EFCAB8: variants seen among roughly 807,000 people sequenced by gnomAD.
The protein encoded by EFCAB8 is EF-hand calcium binding domain 8, also known as EF-hand calcium-binding domain-containing protein 8.
Under a neutral mutation model 116.3 loss-of-function variants are expected in EFCAB8, and 100 were observed. The ratio of observed to expected loss-of-function variants is 0.86; its 90% CI spans 0.73 to 1.02. The LOEUF (loss-of-function observed/expected upper bound fraction) is 1.02, where lower values mean the gene tolerates loss of function less well. Among genes scored for constraint, EFCAB8 ranks in the 50% least tolerant of loss-of-function variants. The probability of loss-of-function intolerance (pLI) is 0.00; values close to 1 mark genes in which losing one functional copy is unlikely to be tolerated. For synonymous variants in EFCAB8, 558 were observed against 567.9 expected (o/e 0.98, Z 0.25); for missense variants, 1,320 against 1,416.9 (o/e 0.93, Z 1.10).
intron 11 of EFCAB8, among the ~76,000 whole-genome samples, chr20:32,902,621 C>G (rs1017904874): frequency 2.6e-5 from 4 of 152,196 alleles, no homozygotes; most frequent in Non-Finnish European, 5.9e-5. Flanking sequence ...TTGGCACACC[C>G]CATGCATTCT....
In EFCAB8 at chr20:32,898,503, CCAACTGGTGTGAG is replaced by C; in HGVS notation, c.971_983del (p.Asn324ArgfsTer8). 1 of 717,898 alleles carries C rather than the reference CCAACTGGTGTGAG, an allele frequency of 1.4e-6. No homozygotes were observed. Among genetic ancestry groups the C allele is most frequent in the Non-Finnish European group, 2.6e-6 (1 of 384,580 alleles). The allele number at this position is 717,898 out of a possible 1,614,324, so 44.5% of individuals were successfully genotyped here. A position where few individuals can be genotyped will look rare whatever the true frequency, so the allele number is the denominator to read the frequency against. On this transcript the variant is annotated frameshift_variant, in exon 11 of 27. Coordinates refer to ENST00000400522, the MANE Select transcript of EFCAB8 (RefSeq NM_001143967.2). LOFTEE classifies it high-confidence loss of function. ...CTACTGTCTTCCCAGGCTCTCCATC[CCAACTGGTGTGAG>C]CAGGTCAAGTTCATCCCCCAGATGA... is the stretch of plus-strand genomic sequence containing the variant.
chr20:32,939,116 TC>T (rs1988251767), intron 22 of EFCAB8, among the ~76,000 whole-genome samples: 2 of 132,246 alleles, frequency 1.5e-5, no homozygotes, highest in Admixed American at 7.5e-5. Context: ...TTTCTTTCTC[TC>T]TTTCTTTCTC....
intron 22 of EFCAB8, among the ~76,000 whole-genome samples, chr20:32,941,223 G>T (rs1440469336): frequency 1.4e-5 from 2 of 147,828 alleles, no homozygotes; most frequent in Non-Finnish European, 3.0e-5. Flanking sequence ...TTGCGTTCCA[G>T]TCTGGGCAAC....
intron 11 of EFCAB8, 41 bp from the exon 12 acceptor site, chr20:32,906,521 C>T (rs1440489572): frequency 2.8e-6 from 2 of 718,022 alleles, no homozygotes; most frequent in Non-Finnish European, 5.2e-6. Context: ...CTTGGGGCCA[C>T]TGCTCCCGGC....
chr20:32,873,957 G>A (rs1984816383), intron 3 of EFCAB8, among the ~76,000 whole-genome samples: 1 of 151,534 alleles, frequency 6.6e-6, no homozygotes, highest in Non-Finnish European at 1.5e-5. Context: ...GTCTTACTCT[G>A]TTATCCAGGC....
At chr20:32,911,757 A>G in intron 16 of EFCAB8, 50 bp downstream of exon 16, 1 of 1,517,588 alleles carries the variant, frequency 6.6e-7, no homozygotes, top group Non-Finnish European at 9.0e-7. Flanking sequence ...TGGGAAGCAA[A>G]GCACAGCTCC....
intron 1 of EFCAB8, among the ~76,000 whole-genome samples, chr20:32,863,367 A>G (rs772806510): frequency 6.6e-6 from 1 of 152,080 alleles, no homozygotes; most frequent in Non-Finnish European, 1.5e-5. Context: ...TGGGGAGGGT[A>G]TATGCAGTGG....
intron 5 of EFCAB8, among the ~76,000 whole-genome samples, chr20:32,879,064 A>G (rs780134861): frequency 5.3e-5 from 8 of 152,218 alleles, no homozygotes; most frequent in Non-Finnish European, 1.0e-4. Context: ...CCCCAGGCCA[A>G]TAGGTAGAAA....
chr20:32,898,607 G>A lies in EFCAB8; in HGVS notation c.1072G>A (p.Ala358Thr). The A allele has an allele frequency of 2.8e-6, 2 of 718,726 alleles. No homozygotes were observed. The highest frequency in any genetic ancestry group is 3.0e-5 in the South Asian group (2 of 67,586). 44.5% of individuals were successfully genotyped at this position (718,726 alleles called of 1,614,324 possible). ...SLVLTILPAK[A>T]SKKPRLSVLR... ...GGTGCTGACAATATTGCCAGCCAAA[G>A]CCTCTAAGAAACCCAGGTAAGAAGT... Residue 358 changes from alanine (A) to threonine (T), a missense_variant, in exon 11 of 27, where the codon GCC becomes ACC. Transcript: ENST00000400522.
chr20:32,886,609 A>G (rs1304093108), intron 6 of EFCAB8, among the ~76,000 whole-genome samples: 1 of 151,978 alleles, frequency 6.6e-6, no homozygotes, highest in Non-Finnish European at 1.5e-5. Context: ...GGGAGTCACG[A>G]TCACCATCCT....
intron 1 of EFCAB8, among the ~76,000 whole-genome samples, chr20:32,863,011 AT>A (rs11478583): frequency 0.61 from 90,818 of 148,260 alleles, 27,797 homozygotes; most frequent in Middle Eastern, 0.74. Flanking sequence ...TTTGCTGCCA[AT>A]TTTTTTTTTT....
rs150888980 is a variant in EFCAB8, at chr20:32,920,403, G to T, written c.2412+188G>T. Among the ~76,000 whole-genome samples the T allele has an allele frequency of 5.2e-3, 793 of 152,252 alleles. 6 individuals carry two copies. The highest frequency in any genetic ancestry group is 0.016 in the African/African-American group (669 of 41,544). Reference sequence around the variant, plus strand: ...GTCAGGGCTGCGGTGTCTGGGGAGAGCTCCTGTATTAATTCGTTTTCATGC... The same window carrying T: ...GTCAGGGCTGCGGTGTCTGGGGAGATCTCCTGTATTAATTCGTTTTCATGC... On this transcript the variant is annotated intron_variant, in intron 20 of 26. Coordinates refer to ENST00000400522, the MANE Select transcript of EFCAB8 (RefSeq NM_001143967.2).
intron 9 of EFCAB8, 110 bp downstream of exon 9, chr20:32,893,408 T>C (rs1002745143): frequency 1.4e-6 from 2 of 1,452,870 alleles, no homozygotes; most frequent in African/African-American, 2.8e-5. Context: ...CTCTGGAGTC[T>C]CTGGGAAGGC....
chr20:32,924,535 T>C (rs535485265), intron 20 of EFCAB8, among the ~76,000 whole-genome samples: 27 of 152,358 alleles, frequency 1.8e-4, no homozygotes, highest in African/African-American at 5.8e-4. Context: ...ATTTTATGGC[T>C]GAAGAAACAG....
At position 32,918,427 on chromosome 20, in the gene EFCAB8, G is replaced by C. The variant is rs1487568647; in HGVS notation, c.2127G>C (p.Glu709Asp). 22 of 1,551,642 alleles carry C rather than the reference G, an allele frequency of 1.4e-5. No individual in the cohort carries two copies. The highest frequency in any genetic ancestry group is 1.9e-5 in the Non-Finnish European group (22 of 1,147,010). ...CCAGCAGACCCTATGTGGAGCGGGA[G>C]AAGTGGACATACAAGACCTCCAGGA... is the stretch of plus-strand genomic sequence containing the variant. ...HRPSRPYVER[E>D]KWTYKTSRKL... Residue 709 changes from glutamate (E) to aspartate (D), a missense_variant, in exon 19 of 27, where the codon GAG (glutamate) becomes GAC (aspartate). Glu to Asp is a conservative substitution (Grantham distance 45). Coordinates refer to ENST00000400522, the MANE Select transcript of EFCAB8 (RefSeq NM_001143967.2).
At chr20:32,919,539 C>T (rs920413599) in intron 19 of EFCAB8, among the ~76,000 whole-genome samples, 1 of 152,120 alleles carries the variant, frequency 6.6e-6, no homozygotes, top group Non-Finnish European at 1.5e-5. Context: ...CTCTGTCACC[C>T]AGGCTAGAGT....
At chr20:32,923,224 A>G (rs376600030) in intron 20 of EFCAB8, among the ~76,000 whole-genome samples, 22 of 151,594 alleles carry the variant, frequency 1.5e-4, no homozygotes, top group Middle Eastern at 3.4e-3. Context: ...GATGGCTCAC[A>G]CCTGTAATCC....
At chr20:32,869,695 A>G (rs1468860740) in intron 3 of EFCAB8, among the ~76,000 whole-genome samples, 1 of 152,162 alleles carries the variant, frequency 6.6e-6, no homozygotes, top group Admixed American at 6.5e-5. Context: ...GGAGGCACAC[A>G]GTATGGGGGC....
At chr20:32,885,884 T>C (rs1380559824) in intron 6 of EFCAB8, among the ~76,000 whole-genome samples, 1 of 152,182 alleles carries the variant, frequency 6.6e-6, no homozygotes, top group African/African-American at 2.4e-5. Flanking sequence ...TCAAATCCAT[T>C]AGCCCAAACA....
Sources: allele counts gnomAD v4.1 joint callset (sites outside exome capture counted in the v4.1 genomes callset), GRCh38; gene constraint gnomAD v4.1.1; transcripts MANE v1.5; gene names NCBI Gene and HGNC (gene_info 2026-07-23, HGNC 2026-07-21).